C9orf85: variants seen among roughly 807,000 people sequenced by gnomAD.
C9orf85 encodes uncharacterized protein C9orf85.
A neutral mutation model predicts 14.9 loss-of-function variants in C9orf85; 16 were observed. The ratio of observed to expected loss-of-function variants is 1.08; its 90% confidence interval spans 0.73 to 1.63. C9orf85 has a LOEUF of 1.63. C9orf85 is among the 40% of genes most tolerant of loss of function. The pLI is 0.00. For missense variants in C9orf85, 172 were observed against 186.1 expected (o/e 0.92, Z 0.44); for synonymous variants, 45 against 56.8 (o/e 0.79, Z 0.93).
In C9orf85 at chr9:71,958,266, ATTT is replaced by A. The variant is rs10531647; in HGVS notation, c.209+11165_209+11167del. On this transcript the variant is annotated intron_variant, in intron 2 of 3. Transcript: ENST00000334731. Reference sequence around the variant, plus strand: ...ATTTTTTATATTTTTATATATATAAATTTTTTTTTTTTTGAGACGGAGTTTCGC... The same window carrying A: ...ATTTTTTATATTTTTATATATATAAATTTTTTTTTTGAGACGGAGTTTCGC... Among the ~76,000 whole-genome samples the A allele has an allele frequency of 7.0e-4, 98 of 140,396 alleles. No homozygotes were observed. In the Middle Eastern group the frequency reaches 0.011, roughly 16 times the overall value. The allele number at this position is 140,396 out of a possible 152,430, so 92.1% of individuals were successfully genotyped here. A position where few individuals can be genotyped will look rare whatever the true frequency, so the allele number is the denominator to read the frequency against.
intron 1 of C9orf85, among the ~76,000 whole-genome samples, chr9:71,944,542 A>G (rs1341998832): frequency 6.6e-6 from 1 of 152,070 alleles, no homozygotes; most frequent in African/African-American, 2.4e-5. Context: ...TTAATTACCT[A>G]TGATCTTCTA....
At chr9:71,931,000 G>A (rs1281073343) in intron 1 of C9orf85, among the ~76,000 whole-genome samples, 1 of 152,106 alleles carries the variant, frequency 6.6e-6, no homozygotes, top group African/African-American at 2.4e-5. Flanking sequence ...CCTTCGAGGT[G>A]TTTAGATTTG....
At chr9:71,956,402 A>G (rs1822383218) in intron 2 of C9orf85, among the ~76,000 whole-genome samples, 1 of 151,854 alleles carries the variant, frequency 6.6e-6, no homozygotes, top group African/African-American at 2.4e-5. Flanking sequence ...GGCATGCACC[A>G]CCACGCTCAG....
At chr9:71,936,038 GA>G (rs1179374942) in intron 1 of C9orf85, among the ~76,000 whole-genome samples, 1 of 151,904 alleles carries the variant, frequency 6.6e-6, no homozygotes, top group Non-Finnish European at 1.5e-5. Flanking sequence ...ACAGGTGAAA[GA>G]GGAAGAAGTA....
At chr9:71,963,257 T>C (rs920052285) in intron 2 of C9orf85, among the ~76,000 whole-genome samples, 5 of 152,164 alleles carry the variant, frequency 3.3e-5, no homozygotes, top group African/African-American at 1.2e-4. Flanking sequence ...TAAAGTAACT[T>C]TCAGAGATTA....
intron 2 of C9orf85, among the ~76,000 whole-genome samples, chr9:71,968,097 TATATAG>T (rs1822747398): frequency 2.7e-5 from 1 of 37,194 alleles, no homozygotes; most frequent in Non-Finnish European, 5.9e-5. Flanking sequence ...CATATATATA[TATATAG>T]AGAGAGAGAG....
exon 4 of C9orf85, chr9:71,983,092 T>A (rs1212781777): frequency 6.6e-6 from 1 of 150,906 alleles, no homozygotes; most frequent in Non-Finnish European, 1.5e-5. Flanking sequence ...GCCTCCTAGG[T>A]TCAAGTGATT....
chr9:71,915,528 C>T (rs1038658270), intron 1 of C9orf85, among the ~76,000 whole-genome samples: 1 of 151,774 alleles, frequency 6.6e-6, no homozygotes, highest in Non-Finnish European at 1.5e-5. Context: ...AGAATAAAGC[C>T]CATAATAATT....
At chr9:71,921,928 T>TATTATTATTATTATTATTA (rs1554705989) in intron 1 of C9orf85, among the ~76,000 whole-genome samples, 3 of 113,824 alleles carry the variant, frequency 2.6e-5, no homozygotes, top group African/African-American at 9.0e-5. Context: ...TTATTTTTTT[T>TATTATTATTATTATTATTA]TTATTATTAT....
At chr9:71,970,843 T>TC (rs398113523) in intron 2 of C9orf85, among the ~76,000 whole-genome samples, 3 of 151,460 alleles carry the variant, frequency 2.0e-5, no homozygotes, top group Non-Finnish European at 2.9e-5. Flanking sequence ...TTTTTTTTTT[T>TC]CCTGAGATGG....
At chr9:71,915,338 G>A (rs985234810) in intron 1 of C9orf85, among the ~76,000 whole-genome samples, 1 of 151,838 alleles carries the variant, frequency 6.6e-6, no homozygotes, top group African/African-American at 2.4e-5. Context: ...ACACAACCAT[G>A]CCTGGCTAAT....
At chr9:71,978,896 G>A (rs368349544) in intron 3 of C9orf85, among the ~76,000 whole-genome samples, 93 of 152,236 alleles carry the variant, frequency 6.1e-4, no homozygotes, top group African/African-American at 2.0e-3. Context: ...TTAGCCGGGC[G>A]TGGAGGCGGG....
At chr9:71,912,241 A>G (rs1363016943) in intron 1 of C9orf85, among the ~76,000 whole-genome samples, 1 of 152,190 alleles carries the variant, frequency 6.6e-6, no homozygotes, top group Non-Finnish European at 1.5e-5. Flanking sequence ...CCCCAAGCCC[A>G]TAGAGGAAAT....
At chr9:71,931,540 T>C (rs1007938074) in intron 1 of C9orf85, among the ~76,000 whole-genome samples, 5 of 152,116 alleles carry the variant, frequency 3.3e-5, no homozygotes, top group Admixed American at 6.5e-5. Context: ...CAGTATGGAA[T>C]AGTGGGGCAA....
intron 1 of C9orf85, among the ~76,000 whole-genome samples, chr9:71,918,266 TGAAGGAA>T (rs1827704703): frequency 6.6e-6 from 1 of 152,168 alleles, no homozygotes; most frequent in South Asian, 2.1e-4. Flanking sequence ...TTGGGAAAGT[TGAAGGAA>T]CACTAATTAT....
At chr9:71,974,354 C>T (rs1165826156), downstream of C9orf85, among the ~76,000 whole-genome samples, 1 of 151,806 alleles carries the variant, frequency 6.6e-6, no homozygotes, top group Non-Finnish European at 1.5e-5. Context: ...AGTGATTCTC[C>T]TGCCTTAGCC....
At chr9:71,968,101 T>TATAGAGAGAGAG (rs1554709461) in intron 2 of C9orf85, among the ~76,000 whole-genome samples, 2 of 146,818 alleles carry the variant, frequency 1.4e-5, no homozygotes, top group East Asian at 2.0e-4. Context: ...TATATATATA[T>TATAGAGAGAGAG]AGAGAGAGAG....
chr9:71,938,721 G>A lies in C9orf85; in HGVS notation c.103-8285G>A, dbSNP rs1376049156. On this transcript the variant is annotated intron_variant, in intron 1 of 3. Transcript: ENST00000334731. The stretch of plus-strand genomic sequence containing the variant: ...TATTTTCTTACAATGTTGTTCATAT[G>A]GAACCAGAACTTGTTATGTATAAAT... Among the ~76,000 whole-genome samples the A allele has an allele frequency of 2.0e-5, 3 of 151,608 alleles. No individual in the cohort carries two copies. In the East Asian group the frequency reaches 5.8e-4, roughly 29 times the overall value.
downstream of C9orf85, chr9:71,985,177 AT>A (rs1218091297): frequency 6.6e-6 from 1 of 152,202 alleles, no homozygotes; most frequent in Non-Finnish European, 1.5e-5. Flanking sequence ...TTTGTTTTAC[AT>A]TTTTATTGCG....
Sources: gnomAD v4.1 joint callset for allele counts (sites outside exome capture counted in the v4.1 genomes callset) on GRCh38, gnomAD v4.1.1 for gene constraint, MANE v1.5 for transcripts, NCBI Gene and HGNC (gene_info 2026-07-23, HGNC 2026-07-21) for gene names.